ZNF487: variants seen among roughly 807,000 people sequenced by gnomAD.
ZNF487 encodes the protein KRAB domain only 1.
A neutral mutation model predicts 3.0 loss-of-function variants in ZNF487; 4 were observed. That is an observed-to-expected ratio of 1.35 (90% CI 0.66 to 3.08). The LOEUF (loss-of-function observed/expected upper bound fraction) is 3.08. Among genes scored for constraint, ZNF487 ranks in the 30% most tolerant of loss-of-function variants. The pLI is 0.01. For missense variants in ZNF487, 146 were observed against 98.7 expected, an observed-to-expected ratio of 1.48 and a Z score of -2.03; for synonymous variants, 55 against 34.6, an observed-to-expected ratio of 1.59 and a Z score of -2.06.
chr10:43,509,757 G>A, the ZNF487 span, among the ~76,000 whole-genome samples: 1 of 151,956 alleles, frequency 6.6e-6, no homozygotes, highest in African/African-American at 2.4e-5. Context: ...AGGTGGGTCT[G>A]CCTTTCCCAG....
At chr10:43,462,563 C>T (rs1459428550) in intron 1 of ZNF487, among the ~76,000 whole-genome samples, 1 of 150,028 alleles carries the variant, frequency 6.7e-6, no homozygotes, top group African/African-American at 2.5e-5. Flanking sequence ...TCAAGCGACT[C>T]TTCTGCCTCA....
At chr10:43,514,594 G>T in the ZNF487 span, among the ~76,000 whole-genome samples, 2 of 152,142 alleles carry the variant, frequency 1.3e-5, no homozygotes, top group African/African-American at 4.8e-5. Context: ...CATTAGTCAG[G>T]ATCTTCTGAT....
the ZNF487 span, among the ~76,000 whole-genome samples, chr10:43,496,847 T>G: frequency 6.6e-6 from 1 of 152,078 alleles, no homozygotes; most frequent in Non-Finnish European, 1.5e-5. Flanking sequence ...TTTAAGACTT[T>G]TATTTTAGGT....
intron 1 of ZNF487, among the ~76,000 whole-genome samples, chr10:43,468,988 C>CAAAAAAAAAAAAAAAAAA (rs59076073): frequency 1.6e-5 from 1 of 60,936 alleles, no homozygotes; most frequent in Non-Finnish European, 2.7e-5. Flanking sequence ...GACTCTATCT[C>CAAAAAAAAAAAAAAAAAA]AAAAAAAAAA....
At chr10:43,484,290 G>GTCAC (rs1225931164), downstream of ZNF487, among the ~76,000 whole-genome samples, 1 of 152,026 alleles carries the variant, frequency 6.6e-6, no homozygotes. Context: ...ATTATTACAG[G>GTCAC]TCACTCCTTT....
At chr10:43,492,927 A>G in the ZNF487 span, among the ~76,000 whole-genome samples, 1 of 152,180 alleles carries the variant, frequency 6.6e-6, no homozygotes, top group Non-Finnish European at 1.5e-5. Flanking sequence ...TATGTTGTAC[A>G]TTAGAACTCT....
At chr10:43,484,551 G>C (rs923563161), downstream of ZNF487, among the ~76,000 whole-genome samples, 14 of 152,046 alleles carry the variant, frequency 9.2e-5, no homozygotes, top group African/African-American at 3.1e-4. Flanking sequence ...AGGTTGCAGT[G>C]AGCCGAGATC....
At chr10:43,437,857 T>A (rs549554924) in intron 1 of ZNF487, among the ~76,000 whole-genome samples, 1 of 152,048 alleles carries the variant, frequency 6.6e-6, no homozygotes, top group African/African-American at 2.4e-5. Context: ...ATTTATTTAT[T>A]TATTTATTTA....
chr10:43,486,084 A>G (rs542753158), downstream of ZNF487, among the ~76,000 whole-genome samples: 1 of 152,360 alleles, frequency 6.6e-6, no homozygotes, highest in East Asian at 1.9e-4. Flanking sequence ...CATTAATATA[A>G]TAGTTGATAA....
the ZNF487 span, among the ~76,000 whole-genome samples, chr10:43,498,110 TTTTC>T: frequency 5.5e-3 from 56 of 10,174 alleles, 6 homozygotes; most frequent in African/African-American, 8.8e-3. Context: ...TTTTTTTTTT[TTTTC>T]TTTTTTTTTT....
chr10:43,484,364 T>C (rs1485828257), downstream of ZNF487, among the ~76,000 whole-genome samples: 1 of 151,792 alleles, frequency 6.6e-6, no homozygotes. Flanking sequence ...CCCAGCACTC[T>C]GGGAGGCCAA....
intron 1 of ZNF487, among the ~76,000 whole-genome samples, chr10:43,447,261 G>T (rs1425602092): frequency 2.6e-4 from 12 of 46,852 alleles, no homozygotes; most frequent in African/African-American, 5.6e-4. Flanking sequence ...TTTTTTTTTT[G>T]AGACAGAGTC....
chr10:43,450,087 G>A (rs1028175675), intron 1 of ZNF487, among the ~76,000 whole-genome samples: 2 of 151,036 alleles, frequency 1.3e-5, no homozygotes, highest in African/African-American at 4.9e-5. Flanking sequence ...CTTTTTGCCC[G>A]GGCTGGAGTG....
chr10:43,480,027 C>A lies in ZNF487; in HGVS notation c.131-1402C>A, dbSNP rs1282499262. Among the ~76,000 whole-genome samples, 200 of 75,042 alleles carry A rather than the reference C, an allele frequency of 2.7e-3. 4 individuals carry two copies. Among genetic ancestry groups the A allele is most frequent in the African/African-American group, 6.8e-3 (195 of 28,522 alleles). The allele number at this position is 75,042 out of a possible 152,430, so 49.2% of individuals were successfully genotyped here. The stretch of plus-strand genomic sequence containing the variant: ...TCTTTCTTTCTTTCTTTCTTTCTTT[C>A]TTTCTTTCTTTCTTTCTTTTTCTTT... On this transcript the variant is annotated intron_variant, in intron 3 of 3. Coordinates refer to ENST00000437590, the MANE Select transcript of ZNF487 (RefSeq NM_001355444.3).
chr10:43,498,075 T>TTTTA, the ZNF487 span, among the ~76,000 whole-genome samples: 4 of 35,020 alleles, frequency 1.1e-4, no homozygotes, highest in African/African-American at 4.7e-4. Flanking sequence ...ATTTGGTATT[T>TTTTA]TATATATATA....
chr10:43,447,962 T>G (rs1250680876), intron 1 of ZNF487, among the ~76,000 whole-genome samples: 4 of 151,388 alleles, frequency 2.6e-5, no homozygotes, highest in Non-Finnish European at 5.9e-5. Flanking sequence ...CTCTGTTTTC[T>G]GATGTTCAGG....
At chr10:43,467,135 A>G (rs1006013010) in intron 1 of ZNF487, among the ~76,000 whole-genome samples, 18 of 152,146 alleles carry the variant, frequency 1.2e-4, no homozygotes, top group African/African-American at 4.3e-4. Flanking sequence ...TCAGCCTCCC[A>G]TAGTGCTAGG....
At chr10:43,513,436 C>A in the ZNF487 span, among the ~76,000 whole-genome samples, 3 of 152,224 alleles carry the variant, frequency 2.0e-5, no homozygotes, top group Admixed American at 2.0e-4. Context: ...TTACAATAAT[C>A]CATGGTCATT....
At chr10:43,522,695 T>C in the ZNF487 span, among the ~76,000 whole-genome samples, 1 of 151,998 alleles carries the variant, frequency 6.6e-6, no homozygotes, top group Non-Finnish European at 1.5e-5. Flanking sequence ...GATTGTGCCA[T>C]TGCAATCCAG....
Sources: allele counts gnomAD v4.1 joint callset (sites outside exome capture counted in the v4.1 genomes callset), GRCh38; gene constraint gnomAD v4.1.1; transcripts MANE v1.5; gene names NCBI Gene and HGNC (gene_info 2026-07-23, HGNC 2026-07-21).